The following WWOX variants were observed in gnomAD, a reference collection of about 807,000 sequenced individuals.
WWOX encodes WW domain-containing oxidoreductase.
In WWOX, 69 loss-of-function variants were observed where a neutral mutation model predicts 46.2. The observed-to-expected ratio is 1.49, with a 90% confidence interval of 1.23 to 1.82. The LOEUF is 1.82. WWOX is among the 40% of genes most tolerant of loss of function. WWOX has a pLI of 0.00. For synonymous variants in WWOX, 359 were observed against 202.6 expected, an observed-to-expected ratio of 1.77 and a Z score of -6.56; for missense variants, 919 against 542.6, an observed-to-expected ratio of 1.69 and a Z score of -6.89.
chr16:78,690,745 T>C (rs1212440392), intron 8 of WWOX, among the ~76,000 whole-genome samples: 1 of 152,178 alleles, frequency 6.6e-6, no homozygotes, highest in Non-Finnish European at 1.5e-5. Context: ...ACTTCTACCA[T>C]TAAGTCCCTG....
At chr16:78,208,281 G>A (rs564557189) in intron 5 of WWOX, among the ~76,000 whole-genome samples, 59 of 152,156 alleles carry the variant, frequency 3.9e-4, no homozygotes, top group Admixed American at 1.4e-3. Context: ...GATAACGAAG[G>A]CAGAAATAAC....
chr16:78,584,221 G>T (rs988665004), intron 8 of WWOX, among the ~76,000 whole-genome samples: 5 of 152,158 alleles, frequency 3.3e-5, no homozygotes, highest in African/African-American at 1.2e-4. Flanking sequence ...ACCATAGCTA[G>T]TATTTATTGC....
At chr16:78,122,003 G>A (rs1197630888) in intron 4 of WWOX, among the ~76,000 whole-genome samples, 1 of 152,100 alleles carries the variant, frequency 6.6e-6, no homozygotes, top group Admixed American at 6.5e-5. Context: ...AGGTCAACAG[G>A]CATCTGAAAA....
chr16:78,517,532 T>C (rs2043261185), intron 8 of WWOX, among the ~76,000 whole-genome samples: 1 of 152,220 alleles, frequency 6.6e-6, no homozygotes, highest in Non-Finnish European at 1.5e-5. Flanking sequence ...TATGTGGGAT[T>C]CAACAGGGGA....
At chr16:78,888,586 C>G (rs1198522676) in intron 8 of WWOX, among the ~76,000 whole-genome samples, 1 of 152,108 alleles carries the variant, frequency 6.6e-6, no homozygotes, top group Non-Finnish European at 1.5e-5. Context: ...AGGATGGAGA[C>G]AGCTGTCATT....
Position 78,768,104 on chromosome 16 carries a change from C to T in WWOX, c.1056+335352C>T, listed in dbSNP as rs561014429. On this transcript the variant is annotated intron_variant, in intron 8 of 8. Transcript: ENST00000566780. The stretch of plus-strand genomic sequence containing the variant: ...ATTGTATTCTTATTATGTGTTTTAC[C>T]GGGTAATTGTAATTCTTGGCTTTGG... Among the ~76,000 whole-genome samples, 268 of 151,114 alleles carry T rather than the reference C, an allele frequency of 1.8e-3. 2 individuals are homozygous for T. Among genetic ancestry groups the T allele is most frequent in the African/African-American group, 6.1e-3 (251 of 41,144 alleles).
At chr16:78,821,834 C>T (rs2051504365) in intron 8 of WWOX, among the ~76,000 whole-genome samples, 1 of 152,120 alleles carries the variant, frequency 6.6e-6, no homozygotes, top group African/African-American at 2.4e-5. Flanking sequence ...GCTTCTGAGT[C>T]CAAAGCTAAC....
At chr16:78,868,774 C>T (rs1171269027) in intron 8 of WWOX, among the ~76,000 whole-genome samples, 1 of 152,186 alleles carries the variant, frequency 6.6e-6, no homozygotes, top group African/African-American at 2.4e-5. Flanking sequence ...TCACATGCCC[C>T]TAACCCTCAG....
rs193256813 is a variant in WWOX, at chr16:78,634,378, T to C, written c.1056+201626T>C. Among the ~76,000 whole-genome samples the C allele has an allele frequency of 3.3e-5, 5 of 152,222 alleles. No homozygotes were observed. In the East Asian group the frequency reaches 9.7e-4, roughly 29 times the overall value. ...TATTCCCTCATTCAGGCACCAAAAA[T>C]GCTGTTTGACTGGGAGAGCAAGTGG... On this transcript the variant is annotated intron_variant, in intron 8 of 8. Coordinates refer to ENST00000566780, the MANE Select transcript of WWOX (RefSeq NM_016373.4).
intron 8 of WWOX, among the ~76,000 whole-genome samples, chr16:78,594,286 G>T (rs2045424314): frequency 6.6e-6 from 1 of 152,044 alleles, no homozygotes; most frequent in Non-Finnish European, 1.5e-5. Context: ...GTCGATTCCT[G>T]ACATTTCCGT....
At chr16:78,828,665 C>G (rs1388289353) in intron 8 of WWOX, among the ~76,000 whole-genome samples, 2 of 152,156 alleles carry the variant, frequency 1.3e-5, no homozygotes, top group South Asian at 2.1e-4. Flanking sequence ...CACACTCTGA[C>G]CTTTATTAAT....
chr16:78,614,142 G>C (rs895859803), intron 8 of WWOX, among the ~76,000 whole-genome samples: 1 of 152,204 alleles, frequency 6.6e-6, no homozygotes, highest in Non-Finnish European at 1.5e-5. Context: ...CAGAATGAAT[G>C]AATATTCACA....
At chr16:78,557,340 T>C (rs1401589615) in intron 8 of WWOX, among the ~76,000 whole-genome samples, 3 of 152,290 alleles carry the variant, frequency 2.0e-5, no homozygotes, top group East Asian at 3.9e-4. Context: ...TTCAGTGATA[T>C]TATTTCTCCG....
chr16:78,298,720 G>A (rs1476847725), intron 5 of WWOX, among the ~76,000 whole-genome samples: 1 of 151,920 alleles, frequency 6.6e-6, no homozygotes, highest in African/African-American at 2.4e-5. Context: ...AAACCTGGGA[G>A]GCGGAGGTTG....
At chr16:78,795,577 A>G (rs2050715520) in intron 8 of WWOX, among the ~76,000 whole-genome samples, 1 of 152,180 alleles carries the variant, frequency 6.6e-6, no homozygotes, top group African/African-American at 2.4e-5. Flanking sequence ...TCTCACACAG[A>G]TTTCTGGGAC....
At chr16:78,627,300 A>G (rs569144527) in intron 8 of WWOX, among the ~76,000 whole-genome samples, 42 of 152,316 alleles carry the variant, frequency 2.8e-4, no homozygotes, top group Non-Finnish European at 5.0e-4. Context: ...GTCTGGTCTT[A>G]AAGTCCCAAA....
At chr16:78,282,389 T>C (rs1388819292) in intron 5 of WWOX, among the ~76,000 whole-genome samples, 1 of 152,174 alleles carries the variant, frequency 6.6e-6, no homozygotes, top group Non-Finnish European at 1.5e-5. Flanking sequence ...TGTTGGATGG[T>C]CTCTTACTAG....
chr16:78,640,952 A>AC (rs397823821), intron 8 of WWOX, among the ~76,000 whole-genome samples: 3 of 142,306 alleles, frequency 2.1e-5, no homozygotes, highest in African/African-American at 7.7e-5. Context: ...AAAAAAAAAA[A>AC]AGAAGAAGAA....
At chr16:79,097,153 A>T (rs936752166) in intron 8 of WWOX, among the ~76,000 whole-genome samples, 5 of 152,100 alleles carry the variant, frequency 3.3e-5, no homozygotes, top group Admixed American at 1.3e-4. Flanking sequence ...ATGTAGGGTG[A>T]AGGCTGCTCT....
Sources: gnomAD v4.1 joint callset for allele counts (sites outside exome capture counted in the v4.1 genomes callset) on GRCh38, gnomAD v4.1.1 for gene constraint, MANE v1.5 for transcripts, NCBI Gene and HGNC (gene_info 2026-07-23, HGNC 2026-07-21) for gene names.